CLVS1: variants seen among roughly 807,000 people sequenced by gnomAD.
CLVS1 encodes the protein clavesin-1.
A neutral mutation model predicts 33.1 loss-of-function variants in CLVS1; 10 were observed. The ratio of observed to expected loss-of-function variants is 0.30; its 90% CI spans 0.19 to 0.51. The LOEUF (loss-of-function observed/expected upper bound fraction) is 0.51. Among genes scored for constraint, CLVS1 ranks in the 20% least tolerant of loss-of-function variants. The pLI, the probability that CLVS1 is intolerant of heterozygous loss-of-function variation, is 0.97. For missense variants in CLVS1, 343 were observed against 433.4 expected (o/e 0.79, Z 1.85); for synonymous variants, 163 against 166.1 (o/e 0.98, Z 0.14).
the CLVS1 span, among the ~76,000 whole-genome samples, chr8:60,971,071 CTTTTTTTTTTTTT>C: frequency 8.8e-5 from 8 of 91,070 alleles, 1 homozygote; most frequent in African/African-American, 3.2e-4. Context: ...ATGACTTTTC[CTTTTTTTTTTTTT>C]TTTTTTTTTG....
chr8:61,071,211 G>T (rs1417613665), intron 1 of CLVS1, among the ~76,000 whole-genome samples: 2 of 152,226 alleles, frequency 1.3e-5, no homozygotes, highest in African/African-American at 4.8e-5. Flanking sequence ...TTTTTCCAAA[G>T]TGTGTTCATT....
At chr8:61,248,255 C>G (rs1808859383) in intron 2 of CLVS1, among the ~76,000 whole-genome samples, 1 of 152,026 alleles carries the variant, frequency 6.6e-6, no homozygotes, top group Non-Finnish European at 1.5e-5. Flanking sequence ...ATAGGATTGC[C>G]TTGGTTATTT....
At chr8:61,209,291 C>T (rs1035567347) in intron 2 of CLVS1, among the ~76,000 whole-genome samples, 68 of 152,342 alleles carry the variant, frequency 4.5e-4, no homozygotes, top group Admixed American at 1.0e-3. Flanking sequence ...TTGGAGGCTG[C>T]AGTGTTGGCT....
At chr8:61,260,387 G>A (rs1809176316) in intron 2 of CLVS1, among the ~76,000 whole-genome samples, 1 of 152,194 alleles carries the variant, frequency 6.6e-6, no homozygotes, top group Non-Finnish European at 1.5e-5. Flanking sequence ...TAGTGATAAA[G>A]CAAACAGCAA....
At chr8:60,990,803 G>C in the CLVS1 span, among the ~76,000 whole-genome samples, 1 of 151,698 alleles carries the variant, frequency 6.6e-6, no homozygotes, top group Non-Finnish European at 1.5e-5. Context: ...CCGCCTCCTG[G>C]TTTCAAGCGA....
At chr8:61,425,671 T>C (rs1815862166) in intron 3 of CLVS1, among the ~76,000 whole-genome samples, 1 of 152,218 alleles carries the variant, frequency 6.6e-6, no homozygotes, top group South Asian at 2.1e-4. Context: ...TTAAAGGCTT[T>C]GTTTAATATT....
intron 2 of CLVS1, among the ~76,000 whole-genome samples, chr8:61,168,794 T>C (rs575528531): frequency 6.6e-6 from 1 of 152,220 alleles, no homozygotes; most frequent in Non-Finnish European, 1.5e-5. Flanking sequence ...TTATGACATT[T>C]AGCCTGCACA....
intron 3 of CLVS1, among the ~76,000 whole-genome samples, chr8:61,386,935 A>G (rs1814107421): frequency 6.6e-6 from 1 of 152,230 alleles, no homozygotes; most frequent in African/African-American, 2.4e-5. Flanking sequence ...GATTGAAACA[A>G]TCAAACATCA....
At chr8:61,014,846 A>C in the CLVS1 span, among the ~76,000 whole-genome samples, 2 of 152,344 alleles carry the variant, frequency 1.3e-5, no homozygotes, top group East Asian at 3.9e-4. Context: ...TCATTCTGGC[A>C]GGCTCAATAG....
chr8:61,380,068 TA>T (rs1488184650), intron 3 of CLVS1, among the ~76,000 whole-genome samples: 1 of 152,168 alleles, frequency 6.6e-6, no homozygotes. Flanking sequence ...CATTGCAATG[TA>T]ACATCAAGGA....
At chr8:61,356,287 T>A (rs1812703251) in intron 2 of CLVS1, among the ~76,000 whole-genome samples, 1 of 152,238 alleles carries the variant, frequency 6.6e-6, no homozygotes, top group Admixed American at 6.5e-5. Flanking sequence ...TAAATTTGTT[T>A]GAGTTCGTTG....
chr8:61,428,904 T>C (rs933179273), intron 3 of CLVS1, among the ~76,000 whole-genome samples: 3 of 152,158 alleles, frequency 2.0e-5, no homozygotes, highest in Non-Finnish European at 4.4e-5. Context: ...CAAGGGTCAC[T>C]CACACACACA....
rs544377545 is a variant in CLVS1, at chr8:61,454,942, G to A, written c.741+691G>A. On this transcript the variant is annotated intron_variant, in intron 4 of 5. Transcript: ENST00000325897. ...GTTGTTGGGGAAATCTAATGAGACA[G>A]CTAATGAAAACATGTATCATGATGC... Among the ~76,000 whole-genome samples, 56 of 152,284 alleles carry A rather than the reference G, an allele frequency of 3.7e-4. 1 individual carries two copies. The highest frequency in any genetic ancestry group is 3.4e-3 in the Middle Eastern group (1 of 294).
chr8:61,021,322 C>T, the CLVS1 span, among the ~76,000 whole-genome samples: 49 of 152,022 alleles, frequency 3.2e-4, no homozygotes, highest in African/African-American at 1.1e-3. Context: ...GGGCCACATA[C>T]GTTAGATTTC....
At position 61,499,786 on chromosome 8, in the gene CLVS1, T is replaced by TAA. The variant is rs1193573985; in HGVS notation, c.*249_*250dup. 1 of 305,426 alleles carries TAA rather than the reference T, an allele frequency of 3.3e-6. No homozygotes were observed. Among genetic ancestry groups the TAA allele is most frequent in the Non-Finnish European group, 6.1e-6 (1 of 164,978 alleles). 18.9% of individuals were successfully genotyped at this position (305,426 alleles called of 1,614,324 possible). A position where few individuals can be genotyped will look rare whatever the true frequency, so the allele number is the denominator to read the frequency against. On this transcript the variant is annotated 3_prime_UTR_variant, in exon 6 of 6. Transcript: ENST00000325897. ...TGGAGGATGATGCAAGGCATTTATG[T>TAA]AAAAAAGATTCTCCCTCCTTTCATA...
chr8:61,432,880 C>T (rs1173235491), intron 3 of CLVS1, among the ~76,000 whole-genome samples: 1 of 151,934 alleles, frequency 6.6e-6, no homozygotes, highest in Non-Finnish European at 1.5e-5. Flanking sequence ...GTGCTTTTTC[C>T]AAAGAGAGTT....
intron 2 of CLVS1, among the ~76,000 whole-genome samples, chr8:61,193,261 G>A (rs13252868): frequency 0.52 from 78,508 of 151,814 alleles, 21,024 homozygotes; most frequent in Middle Eastern, 0.69. Context: ...TCAGCAAACT[G>A]TCACACGGAC....
At chr8:61,253,505 C>T (rs1180705034) in intron 2 of CLVS1, among the ~76,000 whole-genome samples, 1 of 152,190 alleles carries the variant, frequency 6.6e-6, no homozygotes, top group Non-Finnish European at 1.5e-5. Flanking sequence ...GGATAATATC[C>T]TGCAGAGTGT....
chr8:61,175,431 A>G (rs979695707), intron 2 of CLVS1, among the ~76,000 whole-genome samples: 1 of 152,214 alleles, frequency 6.6e-6, no homozygotes, highest in Non-Finnish European at 1.5e-5. Flanking sequence ...CAGAACTGTA[A>G]GAAATAAATG....
Sources: allele counts gnomAD v4.1 joint callset (sites outside exome capture counted in the v4.1 genomes callset), GRCh38; gene constraint gnomAD v4.1.1; transcripts MANE v1.5; gene names NCBI Gene and HGNC (gene_info 2026-07-23, HGNC 2026-07-21).